SLC25A48: variants seen among roughly 807,000 people sequenced by gnomAD.
SLC25A48 encodes the protein CTC-321K16.1.
Under a neutral mutation model 32.2 loss-of-function variants are expected in SLC25A48, and 29 were observed. That is an observed-to-expected ratio of 0.90 (90% CI 0.67 to 1.23). The LOEUF (loss-of-function observed/expected upper bound fraction) is 1.23. Among genes scored for constraint, SLC25A48 ranks in the 50% most tolerant of loss-of-function variants. SLC25A48 has a pLI of 0.00. For synonymous variants in SLC25A48, 164 were observed against 172.3 expected, an observed-to-expected ratio of 0.95 and a Z score of 0.38; for missense variants, 399 against 422.7, an observed-to-expected ratio of 0.94 and a Z score of 0.49.
In SLC25A48 at chr5:135,638,812, G is replaced by A. The variant is rs148398269; in HGVS notation, c.-521+3856G>A. On this transcript the variant is annotated intron_variant, in intron 3 of 10. Transcript: ENST00000646290. Reference sequence around the variant, plus strand: ...ATACATCATTGTCTTTATATAAATCGTGATACACCATGTTTCAACTCTATA... The same window carrying A: ...ATACATCATTGTCTTTATATAAATCATGATACACCATGTTTCAACTCTATA... 9.4e-3 allele frequency among the ~76,000 whole-genome samples: 1,432 copies of A among 152,052 alleles called. 11 individuals are homozygous for A. Among genetic ancestry groups the A allele is most frequent in the Admixed American group, 0.021 (314 of 15,282 alleles).
chr5:135,695,026 G>T (rs1341794686), intron 3 of SLC25A48, among the ~76,000 whole-genome samples: 1 of 152,168 alleles, frequency 6.6e-6, no homozygotes, highest in Non-Finnish European at 1.5e-5. Context: ...CCTCCTGGCA[G>T]CCCTCGGCTT....
intron 3 of SLC25A48, among the ~76,000 whole-genome samples, chr5:135,644,872 C>G (rs568976451): frequency 6.6e-6 from 1 of 152,312 alleles, no homozygotes; most frequent in East Asian, 1.9e-4. Flanking sequence ...TCCACCAAGG[C>G]TTTCCATTGC....
intron 4 of SLC25A48, among the ~76,000 whole-genome samples, chr5:135,857,295 G>C (rs1760409559): frequency 6.6e-6 from 1 of 152,228 alleles, no homozygotes; most frequent in Non-Finnish European, 1.5e-5. Flanking sequence ...AGCATTTGGA[G>C]ACTAGAGGAA....
chr5:135,815,564 ACTCT>A (rs1323970093), intron 4 of SLC25A48, among the ~76,000 whole-genome samples: 2 of 152,036 alleles, frequency 1.3e-5, no homozygotes, highest in Non-Finnish European at 2.9e-5. Context: ...CTGCCTTTGA[ACTCT>A]CTCTATGTAT....
chr5:135,793,774 T>C lies in SLC25A48; in HGVS notation c.-520-18749T>C, dbSNP rs116503103. On this transcript the variant is annotated intron_variant, in intron 3 of 10. Coordinates refer to the SLC25A48 transcript ENST00000646290. Reference sequence around the variant, plus strand: ...GTACACCCTGGAATATTATTTGTAATATCCTTGGGAGATATTACTCTCCTA... The same window carrying C: ...GTACACCCTGGAATATTATTTGTAACATCCTTGGGAGATATTACTCTCCTA... Among the ~76,000 whole-genome samples the C allele has an allele frequency of 7.9e-3, 1,201 of 152,054 alleles. 13 individuals are homozygous for C. Among genetic ancestry groups the C allele is most frequent in the African/African-American group, 0.027 (1,125 of 41,516 alleles).
intron 3 of SLC25A48, among the ~76,000 whole-genome samples, chr5:135,652,679 G>A (rs549735013): frequency 3.3e-5 from 5 of 152,298 alleles, no homozygotes; most frequent in East Asian, 3.9e-4. Context: ...ATAATATGGC[G>A]TTATTTCCCC....
intron 1 of SLC25A48, among the ~76,000 whole-genome samples, chr5:135,837,270 T>C (rs1310999080): frequency 4.6e-5 from 7 of 152,072 alleles, no homozygotes. Flanking sequence ...CTCTGCCCAG[T>C]TTAGTAGGTA....
At chr5:135,601,049 G>C (rs1259076242) in intron 1 of SLC25A48, 1 of 152,072 alleles carries the variant, frequency 6.6e-6, no homozygotes, top group African/African-American at 2.4e-5. Context: ...TCCTTCCCCA[G>C]CTTCACAGAG....
At chr5:135,812,804 A>G (rs1465290) in exon 4 of SLC25A48, 53,808 of 152,304 alleles carry the variant, frequency 0.35, 9,658 homozygotes, top group East Asian at 0.44. Context: ...CTGCCCATGT[A>G]CACCAGGCAG....
intron 3 of SLC25A48, among the ~76,000 whole-genome samples, chr5:135,782,717 A>T (rs565467348): frequency 1.7e-5 from 2 of 118,210 alleles, no homozygotes; most frequent in African/African-American, 5.1e-5. Flanking sequence ...AATGCAGGAG[A>T]TGTACACTCC....
chr5:135,596,686 A>C (rs147604962), intron 1 of SLC25A48, among the ~76,000 whole-genome samples: 45 of 152,276 alleles, frequency 3.0e-4, no homozygotes, highest in African/African-American at 1.1e-3. Context: ...CACCCCCTCC[A>C]TTCTTGAATT....
At chr5:135,746,152 G>C (rs1045064367) in intron 3 of SLC25A48, 1 of 157,856 alleles carries the variant, frequency 6.3e-6, no homozygotes, top group South Asian at 1.9e-4. Flanking sequence ...CTTCTAGCCC[G>C]TACCCATCAC....
At chr5:135,820,931 C>G (rs910191560) in intron 4 of SLC25A48, among the ~76,000 whole-genome samples, 22 of 152,284 alleles carry the variant, frequency 1.4e-4, no homozygotes, top group Admixed American at 3.9e-4. Flanking sequence ...CTGGGTCACT[C>G]CTGACTTGGA....
rs1452383907 is a variant in SLC25A48 at position 135,855,496 on chromosome 5, C to T, written c.421+2675C>T. ...CATTTTACAGATGAGAAAACAGGCT[C>T]CCAGAGGTTAAGGTAGTTACTCAAG... On this transcript the variant is annotated intron_variant, in intron 4 of 7. Transcript: ENST00000681962. 3.3e-5 allele frequency among the ~76,000 whole-genome samples: 5 copies of T among 152,138 alleles called. No homozygotes were observed. The East Asian group carries it at 9.6e-4, about 29-fold the overall frequency.
At chr5:135,847,915 G>A (rs1362633122) in intron 2 of SLC25A48, among the ~76,000 whole-genome samples, 1 of 152,174 alleles carries the variant, frequency 6.6e-6, no homozygotes, top group Non-Finnish European at 1.5e-5. Flanking sequence ...GCAGCAATAG[G>A]AAACTAATAT....
chr5:135,729,035 C>T (rs528503487), intron 3 of SLC25A48, among the ~76,000 whole-genome samples: 12 of 152,190 alleles, frequency 7.9e-5, no homozygotes, highest in East Asian at 1.9e-4. Context: ...AAAACAGATG[C>T]GAAACGGGTC....
At chr5:135,667,571 C>T (rs187951195) in intron 3 of SLC25A48, among the ~76,000 whole-genome samples, 3 of 152,312 alleles carry the variant, frequency 2.0e-5, no homozygotes, top group East Asian at 3.9e-4. Context: ...ACCCCCTACT[C>T]CCTTCCCTCT....
intron 4 of SLC25A48, among the ~76,000 whole-genome samples, chr5:135,818,216 G>A (rs1348336650): frequency 6.6e-6 from 1 of 151,812 alleles, no homozygotes; most frequent in Non-Finnish European, 1.5e-5. Context: ...GGCTACTCTA[G>A]AAGAAATCCA....
Position 135,784,917 on chromosome 5 carries a change from C to A in SLC25A48, c.-520-27606C>A, listed in dbSNP as rs74964903. Among the ~76,000 whole-genome samples the A allele has an allele frequency of 5.9e-4, 70 of 118,274 alleles. 6 individuals are homozygous for A. The East Asian group carries it at 0.015, about 25-fold the overall frequency. 77.6% of individuals were successfully genotyped at this position (118,274 alleles called of 152,430 possible). A position where few individuals can be genotyped will look rare whatever the true frequency, so the allele number is the denominator to read the frequency against. ...TACAAGCAATATTACAAGGAATGTACACACCCCCATGTGACATTATTTCTA... is the reference window on the plus strand; with the variant it reads ...TACAAGCAATATTACAAGGAATGTAAACACCCCCATGTGACATTATTTCTA... On this transcript the variant is annotated intron_variant, in intron 3 of 10. Coordinates refer to the SLC25A48 transcript ENST00000646290.
Sources: allele counts gnomAD v4.1 joint callset (sites outside exome capture counted in the v4.1 genomes callset), GRCh38; gene constraint gnomAD v4.1.1; transcripts MANE v1.5; gene names NCBI Gene and HGNC (gene_info 2026-07-23, HGNC 2026-07-21).